Variants in NKX2-5 observed in about 807,000 individuals in gnomAD.
NKX2-5 encodes the protein homeobox protein Nkx-2.5.
A neutral mutation model predicts 24.5 loss-of-function variants in NKX2-5; 3 were observed. The ratio of observed to expected loss-of-function variants is 0.12; its 90% CI spans 0.06 to 0.32. NKX2-5 has a LOEUF of 0.32. Ranked by LOEUF, NKX2-5 falls within the 10% of genes least tolerant of loss-of-function variation. The probability of loss-of-function intolerance (pLI) is 1.00; values close to 1 mark genes in which losing one functional copy is unlikely to be tolerated. For synonymous variants in NKX2-5, 215 were observed against 217.6 expected (o/e 0.99, Z 0.11); for missense variants, 429 against 452.4 (o/e 0.95, Z 0.47).
chr5:173,233,769 C>G, intron 1 of NKX2-5: 1 of 930,312 alleles, frequency 1.1e-6, no homozygotes, highest in Non-Finnish European at 1.3e-6. Flanking sequence ...CAGGCGGCCT[C>G]GGAACCTGCC....
At position 173,232,348 on chromosome 5, in the gene NKX2-5, C is replaced by T. The variant is rs1761332554; in HGVS notation, c.*221G>A. 2.4e-6 allele frequency: 2 copies of T among 834,566 alleles called. No individual in the cohort carries two copies. The highest frequency in any genetic ancestry group is 1.7e-5 in the African/African-American group (1 of 58,508). 51.7% of individuals were successfully genotyped at this position (834,566 alleles called of 1,614,324 possible). On this transcript the variant is annotated 3_prime_UTR_variant, in exon 2 of 2. Transcript: ENST00000329198. The surrounding 1 kb of genome is among the most constrained non-coding windows in gnomAD (Gnocchi z 5.9). Reference sequence around the variant, plus strand: ...ACTCCTGGGGGGACAGCTAAGACACCAGGCTGCAGGATCACTCATTGCACG... The same window carrying T: ...ACTCCTGGGGGGACAGCTAAGACACTAGGCTGCAGGATCACTCATTGCACG...
chr5:173,232,859 G>T lies in NKX2-5; in HGVS notation c.685C>A (p.Pro229Thr). The change falls in exon 2 of 2, where the codon CCA becomes ACA. Residue 229 changes from proline to threonine, a missense_variant. Pro to Thr is a conservative substitution (Grantham distance 38). Around this residue, in one of 3 missense-constraint regions of NKX2-5, gnomAD observed 183 missense variants for 185.9 expected, o/e 0.98. Coordinates refer to ENST00000329198, the MANE Select transcript of NKX2-5 (RefSeq NM_004387.4). The surrounding 1 kb of genome is among the most constrained non-coding windows in gnomAD (Gnocchi z 5.9). The part of the protein sequence containing the change: ...AVPVLVRDGK[P>T]CLGDSAPYAP... ...TAGGGCGCCGAGTCCCCTAGGCATG[G>T]CTTGCCATCGCGCACCAGCACTGGC... 6.2e-7 allele frequency: 1 copy of T among 1,611,112 alleles called. No individual in the cohort carries two copies. Among genetic ancestry groups the T allele is most frequent in the Non-Finnish European group, 8.5e-7 (1 of 1,179,168 alleles).
rs3729753 is a variant in NKX2-5 at position 173,232,938 on chromosome 5, C to G, written c.606G>C (p.Leu202=). ...GCGGCGGGGGCAGCCCCACCAGCTC[C>G]AGAGTCTGGTCCTGCCGCTGCCGCT... is the stretch of plus-strand genomic sequence containing the variant. ...KCKRQRQDQT[L]ELVGLPPPPP... Residue 202 remains leucine, a synonymous_variant, in exon 2 of 2, where the codon CTG becomes CTC. Transcript: ENST00000329198. The surrounding 1 kb of genome is among the most constrained non-coding windows in gnomAD (Gnocchi z 5.9). 5.4e-3 allele frequency: 8,660 copies of G among 1,605,268 alleles called. 378 individuals carry two copies. In the East Asian group the frequency reaches 0.078, roughly 14 times the overall value.
At position 173,232,273 on chromosome 5, in the gene NKX2-5, C is replaced by G. The variant is rs540202205; in HGVS notation, c.*296G>C. 7.3e-5 allele frequency: 34 copies of G among 467,308 alleles called. No individual in the cohort carries two copies. In the East Asian group the frequency reaches 8.0e-4, roughly 11 times the overall value. 28.9% of individuals were successfully genotyped at this position (467,308 alleles called of 1,614,324 possible). A position where few individuals can be genotyped will look rare whatever the true frequency, so the allele number is the denominator to read the frequency against. On this transcript the variant is annotated 3_prime_UTR_variant, in exon 2 of 2. Coordinates refer to ENST00000329198, the MANE Select transcript of NKX2-5 (RefSeq NM_004387.4). This position sits in a 1 kb window ranked among gnomAD's most constrained non-coding sequence, Gnocchi z 5.9. The stretch of plus-strand genomic sequence containing the variant: ...GGCCAGATCTCAGGCCCTGCGTGCC[C>G]GAGCTCAGTCCCAGTTCCAACCGGG...
intron 1 of NKX2-5, 82 bp downstream of exon 1, chr5:173,234,667 CG>C: frequency 4.0e-6 from 5 of 1,240,070 alleles, no homozygotes; most frequent in Non-Finnish European, 5.4e-6. Flanking sequence ...CCCAAGGGCG[CG>C]TGTCTCCTCC....
chr5:173,234,100 A>T (rs1761405012), intron 1 of NKX2-5: 1 of 1,289,290 alleles, frequency 7.8e-7, no homozygotes, highest in Non-Finnish European at 1.0e-6. Context: ...TAACTTTTCC[A>T]CGAGGGAACC....
rs759953857 is a variant in NKX2-5, at chr5:173,232,555, C to T, written c.*14G>A. 1.9e-6 allele frequency: 3 copies of T among 1,604,248 alleles called. No individual in the cohort carries two copies. The South Asian group carries it at 3.3e-5, about 18-fold the overall frequency. ...GGTGGGATCGGTCAGGGTCGCGCCA[C>T]GCGGGTCCCTTCCCTACCAGGCTCG... is the stretch of plus-strand genomic sequence containing the variant. On this transcript the variant is annotated 3_prime_UTR_variant, in exon 2 of 2. Transcript: ENST00000329198. The surrounding 1 kb of genome is among the most constrained non-coding windows in gnomAD (Gnocchi z 5.9).
Position 173,235,068 on chromosome 5 carries a change from C to T in NKX2-5, c.16G>A (p.Ala6Thr), listed in dbSNP as rs780812253. The change falls in exon 1 of 2, where the codon GCT (alanine) becomes ACT (threonine). Residue 6 changes from alanine (A) to threonine (T), a missense_variant. By Grantham distance (58) the Ala-to-Thr change is moderately conservative. This residue lies in a region of NKX2-5 where 240 missense variants were observed against 240.4 expected (regional missense o/e 1.00). Transcript: ENST00000329198. Reference protein sequence around the residue: MFPSPALTPTPFSVKD... With the variant: MFPSPTLTPTPFSVKD... ...ACTGAGAAGGGCGTGGGCGTGAGAGCAGGGCTGGGGAACATGGTGGCAGCG... is the reference window on the plus strand; with the variant it reads ...ACTGAGAAGGGCGTGGGCGTGAGAGTAGGGCTGGGGAACATGGTGGCAGCG... 6.2e-7 allele frequency: 1 copy of T among 1,610,134 alleles called. No individual in the cohort carries two copies. The highest frequency in any genetic ancestry group is 1.1e-5 in the South Asian group (1 of 90,858).
In NKX2-5 at chr5:173,232,868, C is replaced by A; in HGVS notation, c.676G>T (p.Asp226Tyr). ...GAGTCCCCTAGGCATGGCTTGCCAT[C>A]GCGCACCAGCACTGGCACCGCGATC... ...RRIAVPVLVRDGKPCLGDSAP... is the reference protein window; with the variant it reads ...RRIAVPVLVRYGKPCLGDSAP... The change falls in exon 2 of 2, where the codon GAT becomes TAT. Residue 226 changes from aspartate to tyrosine, a missense_variant. Physicochemically the swap from Asp to Tyr is radical, Grantham distance 160 (BLOSUM62 -3). Coordinates refer to ENST00000329198, the MANE Select transcript of NKX2-5 (RefSeq NM_004387.4). This position sits in a 1 kb window ranked among gnomAD's most constrained non-coding sequence, Gnocchi z 5.9. 1 of 1,610,730 alleles carries A rather than the reference C, an allele frequency of 6.2e-7. No individual in the cohort carries two copies.
At position 173,232,509 on chromosome 5, in the gene NKX2-5, C is replaced by G; in HGVS notation, c.*60G>C. On this transcript the variant is annotated 3_prime_UTR_variant, in exon 2 of 2. Coordinates refer to ENST00000329198, the MANE Select transcript of NKX2-5 (RefSeq NM_004387.4). This position sits in a 1 kb window ranked among gnomAD's most constrained non-coding sequence, Gnocchi z 5.9. ...TCATGTTGGGAGCCCCTTCTCCCCC[C>G]GAGAGTCAGGGAGCTGTTGAGGTGG... 6.3e-7 allele frequency: 1 copy of G among 1,592,362 alleles called. No homozygotes were observed. Among genetic ancestry groups the G allele is most frequent in the Non-Finnish European group, 8.5e-7 (1 of 1,176,580 alleles).
chr5:173,234,321 T>C (rs1761411431), intron 1 of NKX2-5: 3 of 984,788 alleles, frequency 3.0e-6, no homozygotes, highest in Non-Finnish European at 3.6e-6. Flanking sequence ...GCAAAAGCTG[T>C]CTGGTGAGCA....
At chr5:173,233,536 A>AAAAAAAAAAACC in intron 1 of NKX2-5, 1 of 945,568 alleles carries the variant, frequency 1.1e-6, no homozygotes, top group Non-Finnish European at 1.6e-6. Flanking sequence ...AAAAAATAAA[A>AAAAAAAAAAACC]AAATAAAAAT....
rs747608855 is a variant in NKX2-5, at chr5:173,232,694, C to CCGG, written c.847_849dup (p.Pro283dup). ...AAGTTGTTGTTGGCGGCGGCAGTGG[C>CCGG]CGGCTGCGCTGGGGAAGGCCCGGCG... On this transcript the variant is annotated inframe_insertion, in exon 2 of 2. Transcript: ENST00000329198. The surrounding 1 kb of genome is among the most constrained non-coding windows in gnomAD (Gnocchi z 5.9). 2 of 1,610,588 alleles carry CCGG rather than the reference C, an allele frequency of 1.2e-6. No individual in the cohort carries two copies. Among genetic ancestry groups the CCGG allele is most frequent in the South Asian group, 2.2e-5 (2 of 91,000 alleles).
chr5:173,233,891 C>A lies in NKX2-5; in HGVS notation c.335-682G>T, dbSNP rs3131915. On this transcript the variant is annotated intron_variant, in intron 1 of 1. Coordinates refer to ENST00000329198, the MANE Select transcript of NKX2-5 (RefSeq NM_004387.4). ...CTATGAATTCTCTCCCGGCTGGCAG[C>A]GGCCCTTCGCCCAGCGCTTCGCCCA... 2,039 of 985,396 alleles carry A rather than the reference C, an allele frequency of 2.1e-3. 2 individuals carry two copies. Among genetic ancestry groups the A allele is most frequent in the South Asian group, 2.4e-3 (52 of 21,288 alleles). The allele number at this position is 985,396 out of a possible 1,614,324, so 61.0% of individuals were successfully genotyped here.
At position 173,232,866 on chromosome 5, in the gene NKX2-5, A is replaced by G; in HGVS notation, c.678T>C (p.Asp226=). 1 of 1,610,836 alleles carries G rather than the reference A, an allele frequency of 6.2e-7. No homozygotes were observed. The highest frequency in any genetic ancestry group is 1.7e-4 in the Middle Eastern group (1 of 6,048). The stretch of plus-strand genomic sequence containing the variant: ...CCGAGTCCCCTAGGCATGGCTTGCC[A>G]TCGCGCACCAGCACTGGCACCGCGA... The part of the protein sequence containing the change: ...RRIAVPVLVR[D]GKPCLGDSAP... Residue 226 remains aspartate (D), a synonymous_variant, in exon 2 of 2, where the codon GAT becomes GAC. Transcript: ENST00000329198. This position sits in a 1 kb window ranked among gnomAD's most constrained non-coding sequence, Gnocchi z 5.9.
At chr5:173,233,587 G>A in intron 1 of NKX2-5, 1 of 740,284 alleles carries the variant, frequency 1.4e-6, no homozygotes, top group Non-Finnish European at 2.2e-6. Context: ...ATTAGGGCTA[G>A]TTTGGTTTGA....
intron 1 of NKX2-5, 155 bp from the exon 2 acceptor site, chr5:173,233,364 G>A (rs1356987991): frequency 6.5e-7 from 1 of 1,537,018 alleles, no homozygotes; most frequent in Admixed American, 2.0e-5. Flanking sequence ...AGTGCACTGG[G>A]AGCCACCGAC....
rs752255164 is a variant in NKX2-5 at position 173,233,512 on chromosome 5, AAAAAAAAT to A, written c.335-311_335-304del. 1.1e-4 allele frequency: 93 copies of A among 880,224 alleles called. 1 individual carries two copies. In the African/African-American group the frequency reaches 1.3e-3, roughly 13 times the overall value. The allele number at this position is 880,224 out of a possible 1,614,324, so 54.5% of individuals were successfully genotyped here. ...ACTTAAAATTTCAGGCTGCAAAAAA[AAAAAAAAT>A]AAATAAAAAAATAAAAAAATAAAAA... On this transcript the variant is annotated intron_variant, in intron 1 of 1. Coordinates refer to ENST00000329198, the MANE Select transcript of NKX2-5 (RefSeq NM_004387.4).
rs973036130 is a variant in NKX2-5 at position 173,232,199 on chromosome 5, G to C, written c.*370C>G. 1.8e-5 allele frequency: 5 copies of C among 278,012 alleles called. No homozygotes were observed. The highest frequency in any genetic ancestry group is 3.4e-5 in the Non-Finnish European group (5 of 146,370). The allele number at this position is 278,012 out of a possible 1,614,324, so 17.2% of individuals were successfully genotyped here. A position where few individuals can be genotyped will look rare whatever the true frequency, so the allele number is the denominator to read the frequency against. ...ACGGGTGGGTGCGTGGGCGGGCGACGGCGAGATAGCAAAGGCCCGGGCGCC... is the reference window on the plus strand; with the variant it reads ...ACGGGTGGGTGCGTGGGCGGGCGACCGCGAGATAGCAAAGGCCCGGGCGCC... On this transcript the variant is annotated 3_prime_UTR_variant, in exon 2 of 2. Coordinates refer to ENST00000329198, the MANE Select transcript of NKX2-5 (RefSeq NM_004387.4). This position sits in a 1 kb window ranked among gnomAD's most constrained non-coding sequence, Gnocchi z 5.9.
Sources: gnomAD v4.1 joint callset for allele counts on GRCh38, gnomAD v4.1.1 for gene constraint, gnomAD v4.1.1 regional missense constraint, Gnocchi (gnomAD v3.1) non-coding constraint, MANE v1.5 for transcripts, NCBI Gene and HGNC (gene_info 2026-07-23, HGNC 2026-07-21) for gene names.